The following PLPPR3 variants were observed in gnomAD, a reference collection of about 807,000 sequenced individuals.
The protein encoded by PLPPR3 is phospholipid phosphatase-related protein type 3.
Under a neutral mutation model 27.3 loss-of-function variants are expected in PLPPR3, and 14 were observed. The ratio of observed to expected loss-of-function variants is 0.51; its 90% CI spans 0.34 to 0.80. PLPPR3 has a LOEUF of 0.80. Among genes scored for constraint, PLPPR3 ranks in the 30% least tolerant of loss-of-function variants. The probability of loss-of-function intolerance (pLI) is 0.01; values close to 1 mark genes in which losing one functional copy is unlikely to be tolerated. For missense variants in PLPPR3, 1,287 were observed against 1,056.9 expected (o/e 1.22, Z -3.02); for synonymous variants, 671 against 508.0 (o/e 1.32, Z -4.32).
Position 813,313 on chromosome 19 carries a change from C to T in PLPPR3, c.1414G>A (p.Val472Met), listed in dbSNP as rs2034975658. Reference protein sequence around the residue: ...GPAPPSLYPTVQARPGLGPRV... With the variant: ...GPAPPSLYPTMQARPGLGPRV... ...GGCCCCAGCCCCGGCCGCGCCTGCA[C>T]GGTGGGGTAGAGCGAGGGCGGGGCC... Residue 472 changes from valine (V) to methionine (M), a missense_variant, in exon 8 of 8, where the codon GTG becomes ATG. Coordinates refer to ENST00000520876, the MANE Select transcript of PLPPR3 (RefSeq NM_001270366.2). This position sits in a 1 kb window ranked among gnomAD's most constrained non-coding sequence, Gnocchi z 4.1. 5 of 1,467,234 alleles carry T rather than the reference C, an allele frequency of 3.4e-6. No individual in the cohort carries two copies. Among genetic ancestry groups the T allele is most frequent in the African/African-American group, 2.9e-5 (2 of 68,018 alleles). 90.9% of individuals were successfully genotyped at this position (1,467,234 alleles called of 1,614,324 possible). A position where few individuals can be genotyped will look rare whatever the true frequency, so the allele number is the denominator to read the frequency against.
intron 1 of PLPPR3, 56 bp from the exon 2 acceptor site, chr19:821,641 C>T (rs1599265030): frequency 9.3e-7 from 1 of 1,077,922 alleles, no homozygotes; most frequent in South Asian, 1.9e-5. Context: ...CCGGGGGAGA[C>T]ACGGTGGCCG....
rs1377318013 is a variant in PLPPR3, at chr19:813,394, C to T, written c.1333G>A (p.Glu445Lys). 4.7e-6 allele frequency: 7 copies of T among 1,502,252 alleles called. No homozygotes were observed. The highest frequency in any genetic ancestry group is 4.4e-6 in the Non-Finnish European group (5 of 1,133,562). The allele number at this position is 1,502,252 out of a possible 1,614,324, so 93.1% of individuals were successfully genotyped here. The change falls in exon 8 of 8, where the codon GAG (glutamate) becomes AAG (lysine). Residue 445 changes from glutamate to lysine, a missense_variant. Coordinates refer to ENST00000520876, the MANE Select transcript of PLPPR3 (RefSeq NM_001270366.2). This position sits in a 1 kb window ranked among gnomAD's most constrained non-coding sequence, Gnocchi z 4.1. ...PAEPMAEEEE[E>K]EEDEEEEEEE... is the part of the protein sequence containing the mutation. ...TCCTCTTCCTCTTCGTCCTCCTCCT[C>T]TTCCTCCTCCTCCGCCATGGGTTCG... is the stretch of plus-strand genomic sequence containing the variant.
intron 7 of PLPPR3, 33 bp downstream of exon 7, chr19:814,401 C>G (rs910921394): frequency 2.6e-6 from 4 of 1,562,852 alleles, no homozygotes; most frequent in Non-Finnish European, 3.5e-6. Context: ...CCCTGGGAAC[C>G]CATGCCGACC....
At position 821,470 on chromosome 19, in the gene PLPPR3, G is replaced by A; in HGVS notation, c.75+15C>T. 1 of 1,450,148 alleles carries A rather than the reference G, an allele frequency of 6.9e-7. No homozygotes were observed. Among genetic ancestry groups the A allele is most frequent in the Non-Finnish European group, 9.2e-7 (1 of 1,092,372 alleles). The allele number at this position is 1,450,148 out of a possible 1,614,324, so 89.8% of individuals were successfully genotyped here. On this transcript the variant is annotated intron_variant, in intron 2 of 7. Coordinates refer to ENST00000520876, the MANE Select transcript of PLPPR3 (RefSeq NM_001270366.2). ...CGAGGCGTCTCCCCCGGGCCCCAGC[G>A]CGACCCCCACCCACCTCCACGAAGT...
upstream of PLPPR3, among the ~76,000 whole-genome samples, chr19:822,933 A>C (rs2035170411): frequency 6.6e-6 from 1 of 151,782 alleles, no homozygotes; most frequent in Admixed American, 6.6e-5. Context: ...AGCCTGGACA[A>C]CATGGTGAAA....
At chr19:823,306 G>C (rs1376837297), upstream of PLPPR3, among the ~76,000 whole-genome samples, 2 of 151,192 alleles carry the variant, frequency 1.3e-5, no homozygotes, top group East Asian at 3.9e-4. Context: ...GCCGGACATG[G>C]TGGCAGGCGC....
intron 7 of PLPPR3, among the ~76,000 whole-genome samples, chr19:814,150 C>G (rs943994701): frequency 1.2e-4 from 19 of 152,018 alleles, no homozygotes; most frequent in African/African-American, 3.9e-4. Context: ...CTTCGGGACC[C>G]ACGTCTATCC....
At chr19:823,452 A>AC (rs2035178801), upstream of PLPPR3, among the ~76,000 whole-genome samples, 2 of 150,922 alleles carry the variant, frequency 1.3e-5, no homozygotes, top group African/African-American at 4.9e-5. Context: ...AAAAAAAAAA[A>AC]AAAAAACAAA....
rs756797005 is a variant in PLPPR3, at chr19:821,469, C to T, written c.75+16G>A. ...CCGAGGCGTCTCCCCCGGGCCCCAGCGCGACCCCCACCCACCTCCACGAAG... is the reference window on the plus strand; with the variant it reads ...CCGAGGCGTCTCCCCCGGGCCCCAGTGCGACCCCCACCCACCTCCACGAAG... On this transcript the variant is annotated intron_variant, in intron 2 of 7. Transcript: ENST00000520876. 2.7e-6 allele frequency: 4 copies of T among 1,508,954 alleles called. No individual in the cohort carries two copies. Among genetic ancestry groups the T allele is most frequent in the East Asian group, 2.8e-5 (1 of 35,698 alleles). 93.5% of individuals were successfully genotyped at this position (1,508,954 alleles called of 1,614,324 possible).
Position 813,661 on chromosome 19 carries a change from C to G in PLPPR3, c.1066G>C (p.Val356Leu). ...LGSLKRASVD[V>L]DLLAPRSPMA... Reference sequence around the variant, plus strand: ...GGGCTGCGCGGGGCCAGCAGGTCCACGTCCACGCTGGCGCGCTTCAGGCTG... The same window carrying G: ...GGGCTGCGCGGGGCCAGCAGGTCCAGGTCCACGCTGGCGCGCTTCAGGCTG... Residue 356 changes from valine (V) to leucine (L), a missense_variant, in exon 8 of 8, where the codon GTG becomes CTG. Val to Leu is a conservative substitution (Grantham distance 32). Coordinates refer to ENST00000520876, the MANE Select transcript of PLPPR3 (RefSeq NM_001270366.2). The surrounding 1 kb of genome is among the most constrained non-coding windows in gnomAD (Gnocchi z 4.1). 1.3e-6 allele frequency: 2 copies of G among 1,536,026 alleles called. No homozygotes were observed. The highest frequency in any genetic ancestry group is 2.4e-5 in the South Asian group (2 of 83,916).
At position 812,638 on chromosome 19, in the gene PLPPR3, CCG is replaced by C. The variant is rs1416506666; in HGVS notation, c.2087_2088del (p.Ala696GlyfsTer?). 1.8e-6 allele frequency: 2 copies of C among 1,098,574 alleles called. No individual in the cohort carries two copies. The highest frequency in any genetic ancestry group is 2.2e-6 in the Non-Finnish European group (2 of 895,312). 68.1% of individuals were successfully genotyped at this position (1,098,574 alleles called of 1,614,324 possible). ...TCGGCCTCCGCCTCCGCCTCGCGCT[CCG>C]CCAGCCCCAGGCCGCCCGCGTGGCG... Reference protein sequence around the residue: ...LRRHAGGLGLAEREAEAEAEG... With the variant: ...LRRHAGGLGLXEREAEAEAEG... On this transcript the variant is annotated frameshift_variant, in exon 8 of 8. Transcript: ENST00000520876. LOFTEE classifies it low-confidence loss of function (END_TRUNC).
At chr19:818,407 T>C (rs2035094621) in intron 2 of PLPPR3, among the ~76,000 whole-genome samples, 4 of 151,426 alleles carry the variant, frequency 2.6e-5, no homozygotes, top group South Asian at 4.2e-4. Context: ...ATAAATAAAA[T>C]AATAATAATA....
chr19:813,584 G>C lies in PLPPR3; in HGVS notation c.1143C>G (p.Ser381Arg). 1 of 1,553,102 alleles carries C rather than the reference G, an allele frequency of 6.4e-7. No individual in the cohort carries two copies. Among genetic ancestry groups the C allele is most frequent in the Non-Finnish European group, 8.7e-7 (1 of 1,150,784 alleles). ...GCGCGGGGTCGTCCAGCGAGGGCGCGCTGGCCCTGGGCAGCGTGTGGCTGA... is the reference window on the plus strand; with the variant it reads ...GCGCGGGGTCGTCCAGCGAGGGCGCCCTGGCCCTGGGCAGCGTGTGGCTGA... Reference protein sequence around the residue: ...VTFSHTLPRASAPSLDDPARR... With the variant: ...VTFSHTLPRARAPSLDDPARR... Residue 381 changes from serine to arginine, a missense_variant, in exon 8 of 8, where the codon AGC becomes AGG. Physicochemically the swap from Ser to Arg is moderately radical, Grantham distance 110 (BLOSUM62 -1). Transcript: ENST00000520876. This position sits in a 1 kb window ranked among gnomAD's most constrained non-coding sequence, Gnocchi z 4.1.
At position 812,907 on chromosome 19, in the gene PLPPR3, G is replaced by A. The variant is rs1322472017; in HGVS notation, c.1820C>T (p.Ala607Val). The A allele has an allele frequency of 1.5e-6, 2 of 1,295,724 alleles. No homozygotes were observed. The highest frequency in any genetic ancestry group is 1.6e-5 in the South Asian group (1 of 62,138). The allele number at this position is 1,295,724 out of a possible 1,614,324, so 80.3% of individuals were successfully genotyped here. A position where few individuals can be genotyped will look rare whatever the true frequency, so the allele number is the denominator to read the frequency against. Residue 607 changes from alanine (A) to valine (V), a missense_variant, in exon 8 of 8, where the codon GCG becomes GTG. Physicochemically the swap from Ala to Val is moderately conservative, Grantham distance 64. Coordinates refer to ENST00000520876, the MANE Select transcript of PLPPR3 (RefSeq NM_001270366.2). ...GGCCTCCGCCTTGGCCCCGCCGCCC[G>A]CCGCCTTCCACTCCCAGGGCGCGCC... The part of the protein sequence containing the change: ...AGGAPWEWKA[A>V]GGGAKAEADG...
Position 813,152 on chromosome 19 carries a change from C to T in PLPPR3, c.1575G>A (p.Lys525=), listed in dbSNP as rs978793599. 2 of 1,524,404 alleles carry T rather than the reference C, an allele frequency of 1.3e-6. No individual in the cohort carries two copies. The highest frequency in any genetic ancestry group is 2.6e-5 in the East Asian group (1 of 38,108). The allele number at this position is 1,524,404 out of a possible 1,614,324, so 94.4% of individuals were successfully genotyped here. A position where few individuals can be genotyped will look rare whatever the true frequency, so the allele number is the denominator to read the frequency against. ...VRAKWLMMAE[K]SGAAVANPPR... ...GAGGGTTGGCCACTGCCGCCCCGCT[C>T]TTCTCGGCCATCATGAGCCACTTGG... Residue 525 remains lysine (K), a synonymous_variant, in exon 8 of 8, where the codon AAG becomes AAA. Transcript: ENST00000520876. The surrounding 1 kb of genome is among the most constrained non-coding windows in gnomAD (Gnocchi z 4.1).
intron 2 of PLPPR3, among the ~76,000 whole-genome samples, chr19:817,704 G>A (rs971492116): frequency 4.6e-5 from 7 of 152,170 alleles, no homozygotes; most frequent in Non-Finnish European, 1.0e-4. Context: ...GAACATCCCA[G>A]GGCAGAATTG....
chr19:821,591 G>C lies in PLPPR3; in HGVS notation c.-26-6C>G. On this transcript the variant is annotated splice_polypyrimidine_tract_variant and splice_region_variant and intron_variant, in intron 1 of 7. Coordinates refer to ENST00000520876, the MANE Select transcript of PLPPR3 (RefSeq NM_001270366.2). Reference sequence around the variant, plus strand: ...GCGGGCGCCGCAGGCCGTGGCTGGAGGGGAGAAAGCGGCGCTGGAGGGGGG... The same window carrying C: ...GCGGGCGCCGCAGGCCGTGGCTGGACGGGAGAAAGCGGCGCTGGAGGGGGG... The C allele has an allele frequency of 6.8e-7, 1 of 1,463,616 alleles. No homozygotes were observed. Among genetic ancestry groups the C allele is most frequent in the Non-Finnish European group, 9.1e-7 (1 of 1,097,594 alleles). The allele number at this position is 1,463,616 out of a possible 1,614,324, so 90.7% of individuals were successfully genotyped here. A position where few individuals can be genotyped will look rare whatever the true frequency, so the allele number is the denominator to read the frequency against.
intron 2 of PLPPR3, among the ~76,000 whole-genome samples, chr19:817,957 T>C (rs1298283691): frequency 1.3e-5 from 2 of 152,124 alleles, no homozygotes; most frequent in Non-Finnish European, 2.9e-5. Context: ...GATGAGTCAA[T>C]GTGGGAGGTG....
chr19:813,081 G>C lies in PLPPR3; in HGVS notation c.1646C>G (p.Pro549Arg). 2.0e-6 allele frequency: 3 copies of C among 1,496,928 alleles called. No homozygotes were observed. Among genetic ancestry groups the C allele is most frequent in the Non-Finnish European group, 2.6e-6 (3 of 1,133,752 alleles). 92.7% of individuals were successfully genotyped at this position (1,496,928 alleles called of 1,614,324 possible). A position where few individuals can be genotyped will look rare whatever the true frequency, so the allele number is the denominator to read the frequency against. The change falls in exon 8 of 8, where the codon CCG becomes CGG. Residue 549 changes from proline to arginine, a missense_variant. Physicochemically the swap from Pro to Arg is moderately radical, Grantham distance 103. Coordinates refer to ENST00000520876, the MANE Select transcript of PLPPR3 (RefSeq NM_001270366.2). This position sits in a 1 kb window ranked among gnomAD's most constrained non-coding sequence, Gnocchi z 4.1. ...CGCCGTCTCGGCCGCCTTGGGGCCC[G>C]GCGCGCCCGGAGCCTTGGACATGGC... is the stretch of plus-strand genomic sequence containing the variant. The part of the protein sequence containing the change: ...VIAMSKAPGA[P>R]GPKAAETASS...
Sources: gnomAD v4.1 joint callset for allele counts (sites outside exome capture counted in the v4.1 genomes callset) on GRCh38, gnomAD v4.1.1 for gene constraint, Gnocchi (gnomAD v3.1) non-coding constraint, MANE v1.5 for transcripts, NCBI Gene and HGNC (gene_info 2026-07-23, HGNC 2026-07-21) for gene names.